The following RAB38 variants were observed in gnomAD, a reference collection of about 807,000 sequenced individuals.
RAB38 encodes the protein ras-related protein Rab-38.
RAB38 carries 15 observed loss-of-function variants against 18.4 expected under a neutral mutation model. That is an observed-to-expected ratio of 0.82 (90% CI 0.55 to 1.26). The LOEUF (loss-of-function observed/expected upper bound fraction) is 1.26. Among genes scored for constraint, RAB38 ranks in the 50% most tolerant of loss-of-function variants. The pLI is 0.00. For synonymous variants in RAB38, 101 were observed against 104.4 expected, an observed-to-expected ratio of 0.97 and a Z score of 0.20; for missense variants, 294 against 267.4, an observed-to-expected ratio of 1.10 and a Z score of -0.69.
At chr11:88,173,840 G>T (rs1943342760) in intron 1 of RAB38, 1 of 985,282 alleles carries the variant, frequency 1.0e-6, no homozygotes, top group Non-Finnish European at 1.2e-6. Flanking sequence ...CTGTTCACAT[G>T]CTAAAAGAAA....
chr11:87,892,579 T>C, the RAB38 span, among the ~76,000 whole-genome samples: 1 of 151,798 alleles, frequency 6.6e-6, no homozygotes, highest in Non-Finnish European at 1.5e-5. Context: ...CCAATCAAGC[T>C]CTAGCTGACT....
At chr11:88,154,384 C>T (rs1943100372) in intron 1 of RAB38, among the ~76,000 whole-genome samples, 1 of 152,202 alleles carries the variant, frequency 6.6e-6, no homozygotes, top group Admixed American at 6.5e-5. Context: ...AGTGTGTTCT[C>T]CTCTGTCACA....
intron 2 of RAB38, among the ~76,000 whole-genome samples, chr11:88,121,970 C>T (rs568289598): frequency 2.0e-4 from 31 of 152,302 alleles, no homozygotes; most frequent in Non-Finnish European, 3.2e-4. Context: ...GCAAAAGTTA[C>T]GAACAAACAG....
chr11:88,129,064 G>C (rs36043223), intron 2 of RAB38, among the ~76,000 whole-genome samples: 5,391 of 152,242 alleles, frequency 0.035, 143 homozygotes, highest in Non-Finnish European at 0.058. Flanking sequence ...TCACATTTTA[G>C]ATAGACATAA....
At chr11:87,804,905 C>T in the RAB38 span, among the ~76,000 whole-genome samples, 1 of 152,142 alleles carries the variant, frequency 6.6e-6, no homozygotes, top group Non-Finnish European at 1.5e-5. Context: ...TCAGTGTTAT[C>T]ATTTTTAGCT....
chr11:88,148,162 T>C (rs1943015341), intron 2 of RAB38, among the ~76,000 whole-genome samples: 1 of 152,246 alleles, frequency 6.6e-6, no homozygotes, highest in East Asian at 1.9e-4. Flanking sequence ...TACTGGGGTC[T>C]CAAAAGGAAG....
At chr11:87,950,505 T>G in the RAB38 span, among the ~76,000 whole-genome samples, 1 of 152,196 alleles carries the variant, frequency 6.6e-6, no homozygotes, top group African/African-American at 2.4e-5. Context: ...ATTTGGCATG[T>G]TTTTGCAGTG....
intron 1 of RAB38, among the ~76,000 whole-genome samples, chr11:88,164,071 C>T (rs1021647648): frequency 6.6e-6 from 1 of 152,060 alleles, no homozygotes; most frequent in African/African-American, 2.4e-5. Flanking sequence ...ACTGTAAGCT[C>T]AAATGTATTA....
At chr11:87,889,649 C>A in the RAB38 span, among the ~76,000 whole-genome samples, 317 of 151,986 alleles carry the variant, frequency 2.1e-3, 1 homozygote, top group Non-Finnish European at 3.7e-3. Context: ...AAGAAGCACA[C>A]AGAAGCCAAG....
At chr11:87,976,687 A>AAT in the RAB38 span, among the ~76,000 whole-genome samples, 1 of 122,752 alleles carries the variant, frequency 8.1e-6, no homozygotes, top group South Asian at 2.4e-4. Context: ...ATATTTATAT[A>AAT]TTTACAATAT....
At chr11:87,854,129 G>GT in the RAB38 span, among the ~76,000 whole-genome samples, 134,146 of 152,104 alleles carry the variant, frequency 0.88, 59,383 homozygotes, top group African/African-American at 0.9. Context: ...ACCTGCAAAG[G>GT]TTTTTGTTTT....
chr11:87,919,416 A>G, the RAB38 span, among the ~76,000 whole-genome samples: 3 of 151,876 alleles, frequency 2.0e-5, no homozygotes, highest in Non-Finnish European at 4.4e-5. Context: ...TGATTTGCCT[A>G]TATTAAACTG....
the RAB38 span, among the ~76,000 whole-genome samples, chr11:87,934,786 G>C: frequency 6.6e-6 from 1 of 151,990 alleles, no homozygotes; most frequent in Non-Finnish European, 1.5e-5. Flanking sequence ...AAAATACAAA[G>C]GTTTGGTTTA....
At chr11:87,918,007 G>C in the RAB38 span, 1 of 151,946 alleles carries the variant, frequency 6.6e-6, no homozygotes, top group African/African-American at 2.4e-5. Context: ...CCCATATAGA[G>C]GGCCAACTGA....
At chr11:88,134,193 G>T (rs1363358787) in intron 2 of RAB38, among the ~76,000 whole-genome samples, 1 of 151,934 alleles carries the variant, frequency 6.6e-6, no homozygotes, top group Non-Finnish European at 1.5e-5. Flanking sequence ...CTTACCCATT[G>T]ATCCCTCTGT....
the RAB38 span, among the ~76,000 whole-genome samples, chr11:88,072,110 C>T: frequency 6.6e-6 from 1 of 152,160 alleles, no homozygotes; most frequent in South Asian, 2.1e-4. Flanking sequence ...TTACCAAAAT[C>T]AGAAATCAGC....
chr11:87,941,316 C>T, the RAB38 span, among the ~76,000 whole-genome samples: 2 of 142,490 alleles, frequency 1.4e-5, no homozygotes, highest in African/African-American at 5.3e-5. Flanking sequence ...AGTTTCTCAT[C>T]CTCTAACCAC....
chr11:88,101,213 G>A, the RAB38 span, among the ~76,000 whole-genome samples: 6 of 151,872 alleles, frequency 4.0e-5, no homozygotes, highest in African/African-American at 9.7e-5. Context: ...CATCAATGAC[G>A]GAAGTGGAAA....
the RAB38 span, among the ~76,000 whole-genome samples, chr11:87,872,014 C>G: frequency 1.3e-5 from 2 of 151,618 alleles, no homozygotes; most frequent in African/African-American, 4.8e-5. Flanking sequence ...GAACAGAACT[C>G]CAGAGTCATA....
Sources: gnomAD v4.1 joint callset for allele counts (sites outside exome capture counted in the v4.1 genomes callset) on GRCh38, gnomAD v4.1.1 for gene constraint, MANE v1.5 for transcripts, NCBI Gene and HGNC (gene_info 2026-07-23, HGNC 2026-07-21) for gene names.